Variants in CFAP92 observed in about 807,000 individuals in gnomAD.
The protein encoded by CFAP92 is cilia and flagella associated protein 92 (putative), also known as uncharacterized protein CFAP92.
A neutral mutation model predicts 106.3 loss-of-function variants in CFAP92; 86 were observed. The observed-to-expected ratio is 0.81, with a 90% CI of 0.68 to 0.97. The LOEUF is 0.97. Ranked by LOEUF, CFAP92 falls within the 50% of genes least tolerant of loss-of-function variation. CFAP92 has a pLI of 0.00. For missense variants in CFAP92, 1,204 were observed against 1,283.8 expected (o/e 0.94, Z 0.95); for synonymous variants, 477 against 506.4 (o/e 0.94, Z 0.78).
chr3:129,016,743 C>T, the CFAP92 span, among the ~76,000 whole-genome samples: 2 of 152,016 alleles, frequency 1.3e-5, no homozygotes, highest in East Asian at 2.0e-4. Flanking sequence ...CAGGAGGGGG[C>T]GGAACTGATT....
chr3:129,003,681 C>CG (rs1944911737), upstream of CFAP92: 1 of 1,053,736 alleles, frequency 9.5e-7, no homozygotes, highest in African/African-American at 1.7e-5. Context: ...GCGCAAGAAA[C>CG]GTGCTCAAGC....
rs1936796892 is a variant in CFAP92 at position 128,916,125 on chromosome 3, C to T, written c.2898G>A (p.Leu966=). The part of the protein sequence containing the change: ...MNSTELAKKE[L]YQEIAKEPRK... ...CTCTCACCTTGGCTATCTCTTGATA[C>T]AGCTCCTTCTTGGCAAGCTCTGTAG... Residue 966 remains leucine (L), a synonymous_variant, in exon 13 of 16, where the codon CTG becomes CTA. Transcript: ENST00000645291. The T allele has an allele frequency of 1.6e-6, 2 of 1,232,246 alleles. No individual in the cohort carries two copies. The highest frequency in any genetic ancestry group is 3.1e-4 in the Middle Eastern group (1 of 3,208). The allele number at this position is 1,232,246 out of a possible 1,614,324, so 76.3% of individuals were successfully genotyped here. A position where few individuals can be genotyped will look rare whatever the true frequency, so the allele number is the denominator to read the frequency against.
At chr3:128,975,291 TAGAG>T (rs919628609) in intron 7 of CFAP92, among the ~76,000 whole-genome samples, 22 of 152,164 alleles carry the variant, frequency 1.4e-4, no homozygotes, top group African/African-American at 5.3e-4. Flanking sequence ...CATTAGATAT[TAGAG>T]ATTTTCATGT....
At chr3:128,953,547 G>GCTTAAGAAGCAGCAACACGGT (rs1941025343) in intron 9 of CFAP92, among the ~76,000 whole-genome samples, 1 of 138,830 alleles carries the variant, frequency 7.2e-6, no homozygotes, top group Non-Finnish European at 1.5e-5. Flanking sequence ...ATAATCACTC[G>GCTTAAGAAGCAGCAACACGGT]CTTAAGAAGC....
At chr3:128,996,489 A>C (rs896103917), upstream of CFAP92, among the ~76,000 whole-genome samples, 4 of 152,164 alleles carry the variant, frequency 2.6e-5, no homozygotes, top group Admixed American at 2.0e-4. Context: ...TCACAGGATG[A>C]AGTGAGGGCA....
chr3:128,912,614 GGACAGTGTC>G, intron 15 of CFAP92: 25 of 1,612,952 alleles, frequency 1.5e-5, no homozygotes, highest in Non-Finnish European at 2.0e-5. Flanking sequence ...CTGAGGCAGG[GGACAGTGTC>G]CCCTGCTACC....
chr3:129,017,258 G>A, the CFAP92 span, among the ~76,000 whole-genome samples: 1 of 152,372 alleles, frequency 6.6e-6, no homozygotes, highest in Non-Finnish European at 1.5e-5. Context: ...CTCTCTGGGA[G>A]CACAAGGCCA....
intron 8 of CFAP92, chr3:128,968,660 C>T (rs1004858573): frequency 6.6e-6 from 1 of 152,236 alleles, no homozygotes; most frequent in Non-Finnish European, 1.5e-5. Context: ...GGAGTAATCA[C>T]CCCCATTTCA....
At chr3:128,912,441 C>A (rs1236585996) in intron 15 of CFAP92, 5 of 1,471,492 alleles carry the variant, frequency 3.4e-6, no homozygotes, top group Non-Finnish European at 4.7e-6. Flanking sequence ...AATGCCCCCA[C>A]TTCAGCCATG....
At chr3:128,996,692 T>G (rs35076317), upstream of CFAP92, among the ~76,000 whole-genome samples, 1 of 152,136 alleles carries the variant, frequency 6.6e-6, no homozygotes, top group Non-Finnish European at 1.5e-5. Context: ...CACCACTCCA[T>G]GCATCAGCTG....
Position 128,945,396 on chromosome 3 carries a change from C to T in CFAP92, c.1933G>A (p.Gly645Arg), listed in dbSNP as rs776186622. The T allele has an allele frequency of 1.6e-5, 24 of 1,536,028 alleles. 1 individual carries two copies. The highest frequency in any genetic ancestry group is 1.7e-4 in the Middle Eastern group (1 of 6,012). Reference sequence around the variant, plus strand: ...AGGTCAGGATCAGCAGCTCTGGCCCCGGCCCTCAGTGGCACCGCGATGTCC... The same window carrying T: ...AGGTCAGGATCAGCAGCTCTGGCCCTGGCCCTCAGTGGCACCGCGATGTCC... ...RVDIAVPLRAGARAADPDLGG... is the reference protein window; with the variant it reads ...RVDIAVPLRARARAADPDLGG... Residue 645 changes from glycine to arginine, a missense_variant, in exon 10 of 16, where the codon GGG becomes AGG. Transcript: ENST00000645291.
chr3:128,935,884 G>A (rs182409923), intron 10 of CFAP92, among the ~76,000 whole-genome samples: 1 of 152,256 alleles, frequency 6.6e-6, no homozygotes, highest in African/African-American at 2.4e-5. Context: ...CAATTTAGAA[G>A]TATAAAAAAT....
At chr3:129,014,218 A>G in the CFAP92 span, among the ~76,000 whole-genome samples, 1,345 of 152,334 alleles carry the variant, frequency 8.8e-3, 22 homozygotes, top group African/African-American at 0.03. This position sits in a 1 kb window ranked among gnomAD's most constrained non-coding sequence, Gnocchi z 4.3. Context: ...CTCGTGGACC[A>G]ACTCTCAGTG....
intron 8 of CFAP92, 117 bp downstream of exon 8, chr3:128,971,170 G>T: frequency 6.6e-7 from 1 of 1,516,206 alleles, no homozygotes; most frequent in Non-Finnish European, 9.0e-7. Context: ...TCCTGAGGTG[G>T]CTGTGAGGAT....
At chr3:128,999,804 A>T (rs1235128651) in intron 1 of CFAP92, among the ~76,000 whole-genome samples, 2 of 152,102 alleles carry the variant, frequency 1.3e-5, no homozygotes, top group Non-Finnish European at 2.9e-5. Context: ...CGGCCTCCCA[A>T]AGTGGTGGGA....
the CFAP92 span, among the ~76,000 whole-genome samples, chr3:129,008,473 T>C: frequency 0.37 from 55,773 of 152,196 alleles, 12,543 homozygotes; most frequent in African/African-American, 0.64. Flanking sequence ...GAGGGGCTTC[T>C]CATAGCACCC....
At chr3:128,956,037 C>T (rs1462163919) in intron 9 of CFAP92, among the ~76,000 whole-genome samples, 5 of 84,966 alleles carry the variant, frequency 5.9e-5, no homozygotes, top group Non-Finnish European at 1.1e-4. Flanking sequence ...ACAAACACTG[C>T]GGAAGGCCGC....
intron 9 of CFAP92, among the ~76,000 whole-genome samples, chr3:128,948,377 C>CGTTTTT (rs756520909): frequency 1.3e-5 from 1 of 79,708 alleles, no homozygotes; most frequent in African/African-American, 3.8e-5. Flanking sequence ...CTTTTCTTTC[C>CGTTTTT]TTTTTTTTTT....
intron 10 of CFAP92, among the ~76,000 whole-genome samples, chr3:128,938,346 C>A (rs1327508055): frequency 4.6e-5 from 7 of 152,094 alleles, no homozygotes; most frequent in Admixed American, 1.3e-4. Flanking sequence ...TGTGAGCCAG[C>A]AAATTAGGAA....
Sources: allele counts gnomAD v4.1 joint callset (sites outside exome capture counted in the v4.1 genomes callset), GRCh38; gene constraint gnomAD v4.1.1; non-coding constraint Gnocchi (gnomAD v3.1); transcripts MANE v1.5; gene names NCBI Gene and HGNC (gene_info 2026-07-23, HGNC 2026-07-21).